Variants in APMAP observed in about 807,000 individuals in gnomAD.
APMAP encodes the protein adipocyte plasma membrane-associated protein.
In APMAP, 33 loss-of-function variants were observed where a neutral mutation model predicts 43.6. The observed-to-expected ratio is 0.76, with a 90% confidence interval of 0.57 to 1.01. APMAP has a LOEUF of 1.01. APMAP is among the 50% of genes least tolerant of loss of function. The probability of loss-of-function intolerance (pLI) is 0.00; values close to 1 mark genes in which losing one functional copy is unlikely to be tolerated. For missense variants in APMAP, 498 were observed against 540.7 expected (o/e 0.92, Z 0.78); for synonymous variants, 224 against 216.7 (o/e 1.03, Z -0.30).
chr20:24,979,089 AG>A (rs1379859504), intron 2 of APMAP, among the ~76,000 whole-genome samples: 1 of 151,300 alleles, frequency 6.6e-6, no homozygotes, highest in African/African-American at 2.5e-5. Flanking sequence ...TAAATGTGCT[AG>A]TGCAAGACCT....
At chr20:24,968,212 C>T (rs944495787) in intron 8 of APMAP, among the ~76,000 whole-genome samples, 2 of 151,990 alleles carry the variant, frequency 1.3e-5, no homozygotes, top group Non-Finnish European at 2.9e-5. Context: ...TCATGGAAGC[C>T]ACTGGGAAAA....
In APMAP at chr20:24,970,360, G is replaced by A. The variant is rs778008996; in HGVS notation, c.550C>T (p.Leu184=). ...EVNPWKREVK[L]LLSSETPIEG... ...ATGGGTGTCTCGGAGGACAGCAGCA[G>A]TTTCACTTCACCTGAAGTTTAAAAA... The change falls in exon 6 of 9, where the codon CTG becomes TTG. Residue 184 remains leucine, a synonymous_variant. Coordinates refer to ENST00000217456, the MANE Select transcript of APMAP (RefSeq NM_020531.3). 3.7e-6 allele frequency: 6 copies of A among 1,607,504 alleles called. No individual in the cohort carries two copies. In the African/African-American group the frequency reaches 4.0e-5, roughly 11 times the overall value.
Position 24,978,822 on chromosome 20 carries a change from T to C in APMAP, c.273A>G (p.Ala91=), listed in dbSNP as rs1420184506. 1 of 1,609,964 alleles carries C rather than the reference T, an allele frequency of 6.2e-7. No homozygotes were observed. Among genetic ancestry groups the C allele is most frequent in the East Asian group, 2.2e-5 (1 of 44,822 alleles). The change falls in exon 3 of 9, where the codon GCA becomes GCG. Residue 91 remains alanine (A), a synonymous_variant. Coordinates refer to ENST00000217456, the MANE Select transcript of APMAP (RefSeq NM_020531.3). ...VLHPNTKLRQ[A]ERLFENQLVG... Reference sequence around the variant, plus strand: ...CAAGTTGATTTTCAAACAGCCTTTCTGCCTGTCGCAGCTTCGTATTTGGAT... The same window carrying C: ...CAAGTTGATTTTCAAACAGCCTTTCCGCCTGTCGCAGCTTCGTATTTGGAT...
intron 1 of APMAP, among the ~76,000 whole-genome samples, chr20:24,990,208 G>GA (rs1275875201): frequency 6.6e-6 from 1 of 152,168 alleles, no homozygotes; most frequent in Admixed American, 6.5e-5. Context: ...CTGAATAAAA[G>GA]AATTTACCAA....
chr20:24,975,823 G>C (rs1383792167), intron 3 of APMAP, among the ~76,000 whole-genome samples: 6 of 152,154 alleles, frequency 3.9e-5, no homozygotes, highest in Admixed American at 2.0e-4. Flanking sequence ...CAAAAGAATA[G>C]AAAAATAAAT....
chr20:24,966,565 GA>G (rs1200827076), intron 8 of APMAP, among the ~76,000 whole-genome samples: 3 of 152,198 alleles, frequency 2.0e-5, no homozygotes, highest in Non-Finnish European at 4.4e-5. Context: ...TGCGAGAGCA[GA>G]ATCTAAATAT....
intron 3 of APMAP, among the ~76,000 whole-genome samples, chr20:24,977,084 C>G (rs904510723): frequency 6.6e-6 from 1 of 152,182 alleles, no homozygotes; most frequent in African/African-American, 2.4e-5. Context: ...TGAAAACACC[C>G]TGTAAGATAC....
chr20:24,968,110 C>A (rs1231664711), intron 8 of APMAP, among the ~76,000 whole-genome samples: 3 of 152,238 alleles, frequency 2.0e-5, no homozygotes, highest in Non-Finnish European at 2.9e-5. Context: ...ACGGAGCTTG[C>A]TGGAAAAGCA....
intron 1 of APMAP, among the ~76,000 whole-genome samples, chr20:24,990,019 A>T (rs911540406): frequency 1.3e-5 from 2 of 152,240 alleles, no homozygotes; most frequent in Non-Finnish European, 2.9e-5. Flanking sequence ...CTGCATCCCT[A>T]AACAGTCACA....
intron 8 of APMAP, 107 bp from the exon 9 acceptor site, chr20:24,964,129 T>C: frequency 8.6e-7 from 1 of 1,160,178 alleles, no homozygotes; most frequent in Non-Finnish European, 1.2e-6. Flanking sequence ...CTCCTTCCCA[T>C]GACAGGGCAG....
At chr20:24,967,088 G>A (rs529568102) in intron 8 of APMAP, among the ~76,000 whole-genome samples, 7 of 152,284 alleles carry the variant, frequency 4.6e-5, no homozygotes, top group Middle Eastern at 3.4e-3. Context: ...GAGGTCAGGC[G>A]TTCGAGACCA....
At chr20:24,967,651 A>G (rs1018903915) in intron 8 of APMAP, among the ~76,000 whole-genome samples, 4 of 152,220 alleles carry the variant, frequency 2.6e-5, no homozygotes, top group Non-Finnish European at 5.9e-5. Flanking sequence ...GCAGATTCTC[A>G]CTAAATGTTC....
chr20:24,977,487 C>G (rs963296342), intron 3 of APMAP, among the ~76,000 whole-genome samples: 5 of 152,210 alleles, frequency 3.3e-5, no homozygotes, highest in Non-Finnish European at 7.3e-5. Context: ...CCACTGTCAG[C>G]AACCTGCCAG....
At chr20:24,972,576 A>T (rs1392758386) in intron 4 of APMAP, among the ~76,000 whole-genome samples, 1 of 149,950 alleles carries the variant, frequency 6.7e-6, no homozygotes, top group Non-Finnish European at 1.5e-5. Context: ...GAAGGTGCTC[A>T]CTACAGGTGC....
chr20:24,964,095 C>T, intron 8 of APMAP, 73 bp from the exon 9 acceptor site: 1 of 1,475,742 alleles, frequency 6.8e-7, no homozygotes, highest in Admixed American at 1.7e-5. Flanking sequence ...ACCGTGCCGC[C>T]CCCACCATCC....
intron 1 of APMAP, 116 bp from the exon 2 acceptor site, chr20:24,984,135 A>T: frequency 1.4e-6 from 1 of 707,798 alleles, no homozygotes. Flanking sequence ...TCCCCACTGC[A>T]AGCTGGCCGA....
At chr20:24,980,840 C>G (rs1177299754) in intron 2 of APMAP, among the ~76,000 whole-genome samples, 1 of 151,632 alleles carries the variant, frequency 6.6e-6, no homozygotes, top group Non-Finnish European at 1.5e-5. Context: ...CGATGACAAG[C>G]AGAGCTGCCA....
intron 2 of APMAP, among the ~76,000 whole-genome samples, chr20:24,981,396 T>A (rs2088103660): frequency 6.6e-6 from 1 of 152,192 alleles, no homozygotes; most frequent in Admixed American, 6.5e-5. Context: ...TGCAGAGAAG[T>A]GACCCACTGT....
intron 3 of APMAP, among the ~76,000 whole-genome samples, chr20:24,977,855 T>C (rs1273124049): frequency 6.6e-6 from 1 of 152,266 alleles, no homozygotes; most frequent in Non-Finnish European, 1.5e-5. Context: ...AGTTCTATCA[T>C]GATATTTACT....
Sources: allele counts gnomAD v4.1 joint callset (sites outside exome capture counted in the v4.1 genomes callset), GRCh38; gene constraint gnomAD v4.1.1; transcripts MANE v1.5; gene names NCBI Gene and HGNC (gene_info 2026-07-23, HGNC 2026-07-21).